Variants in DNMBP observed in about 807,000 individuals in gnomAD.
The protein encoded by DNMBP is dynamin-binding protein.
Under a neutral mutation model 150.0 loss-of-function variants are expected in DNMBP, and 87 were observed. The ratio of observed to expected loss-of-function variants is 0.58; its 90% CI spans 0.49 to 0.69. The LOEUF is 0.69. Among genes scored for constraint, DNMBP ranks in the 30% least tolerant of loss-of-function variants. DNMBP has a pLI of 0.00. For missense variants in DNMBP, 1,774 were observed against 1,949.0 expected, an observed-to-expected ratio of 0.91 and a Z score of 1.69; for synonymous variants, 711 against 750.4, an observed-to-expected ratio of 0.95 and a Z score of 0.86.
chr10:100,001,794 T>A (rs2041016592), intron 1 of DNMBP, among the ~76,000 whole-genome samples: 1 of 152,182 alleles, frequency 6.6e-6, no homozygotes, highest in African/African-American at 2.4e-5. Context: ...AAAGCAAGTG[T>A]GGTCTAGATA....
At chr10:99,957,346 T>C (rs2040512304) in intron 3 of DNMBP, 141 bp from the exon 4 acceptor site, 1 of 756,522 alleles carries the variant, frequency 1.3e-6, no homozygotes, top group Non-Finnish European at 2.1e-6. Flanking sequence ...TGAACAATTT[T>C]GACAATTTAT....
chr10:99,944,603 C>A (rs1159933967), intron 4 of DNMBP, among the ~76,000 whole-genome samples: 1 of 152,014 alleles, frequency 6.6e-6, no homozygotes, highest in East Asian at 1.9e-4. Flanking sequence ...ATGTTCATCG[C>A]TATGTACCCA....
intron 4 of DNMBP, chr10:99,913,931 G>A: frequency 7.6e-7 from 1 of 1,315,166 alleles, no homozygotes; most frequent in Non-Finnish European, 9.8e-7. Context: ...TTCTGTGCTG[G>A]CTCCCACACC....
chr10:99,957,277 A>G, intron 3 of DNMBP, 72 bp from the exon 4 acceptor site: 1 of 1,337,438 alleles, frequency 7.5e-7, no homozygotes, highest in Non-Finnish European at 1.0e-6. Flanking sequence ...CTAATAGTGC[A>G]ACCTCTCATT....
rs2039690798 is a variant in DNMBP, at chr10:99,898,401, AC to A, written c.2721-117del. Reference sequence around the variant, plus strand: ...TTTTTTTAACATAATAATAATGTACACCTATGGGCAGGATTTGTTCCTAAAT... The same window carrying A: ...TTTTTTTAACATAATAATAATGTACACTATGGGCAGGATTTGTTCCTAAAT... On this transcript the variant is annotated intron_variant, in intron 8 of 16. Transcript: ENST00000324109. 8.8e-6 allele frequency: 7 copies of A among 791,718 alleles called. No individual in the cohort carries two copies. In the East Asian group the frequency reaches 1.9e-4, roughly 21 times the overall value. The allele number at this position is 791,718 out of a possible 1,614,324, so 49.0% of individuals were successfully genotyped here.
chr10:99,931,173 G>A (rs1195668842), intron 4 of DNMBP, among the ~76,000 whole-genome samples: 10 of 152,154 alleles, frequency 6.6e-5, no homozygotes, highest in Admixed American at 6.5e-4. Flanking sequence ...TCCAGGTCAG[G>A]TCATATATCA....
intron 4 of DNMBP, among the ~76,000 whole-genome samples, chr10:99,954,930 G>A (rs1159895176): frequency 6.6e-6 from 1 of 151,602 alleles, no homozygotes; most frequent in Non-Finnish European, 1.5e-5. Flanking sequence ...GCGCATGTCT[G>A]CAATCCCAGC....
At chr10:99,932,590 C>T (rs377095625) in intron 4 of DNMBP, among the ~76,000 whole-genome samples, 2,499 of 150,096 alleles carry the variant, frequency 0.017, 38 homozygotes, top group African/African-American at 0.037. Flanking sequence ...AAAAGGAGTC[C>T]GTGAGGAACC....
chr10:99,876,636 G>C lies in DNMBP; in HGVS notation c.*515C>G, dbSNP rs1416652896. 6.6e-6 allele frequency: 1 copy of C among 152,536 alleles called. No individual in the cohort carries two copies. Among genetic ancestry groups the C allele is most frequent in the Non-Finnish European group, 1.5e-5 (1 of 68,322 alleles). 9.4% of individuals were successfully genotyped at this position (152,536 alleles called of 1,614,324 possible). On this transcript the variant is annotated 3_prime_UTR_variant, in exon 17 of 17. Transcript: ENST00000324109. ...GCTGGACACTGGAGGTGTCCCAGGA[G>C]CTTTGAAGCACTAGGTTTGGTTCAA...
chr10:99,915,140 C>CAT (rs537936826), intron 4 of DNMBP, among the ~76,000 whole-genome samples: 7,412 of 136,854 alleles, frequency 0.054, 263 homozygotes, highest in Middle Eastern at 0.16. Context: ...CACACACACA[C>CAT]ATATATATAC....
At chr10:99,897,289 G>A (rs929588123) in intron 9 of DNMBP, among the ~76,000 whole-genome samples, 3 of 152,196 alleles carry the variant, frequency 2.0e-5, no homozygotes, top group African/African-American at 7.2e-5. Context: ...ACTGTTTTAG[G>A]AGGGGAGGTG....
At chr10:99,911,920 C>G (rs1293967658) in intron 4 of DNMBP, among the ~76,000 whole-genome samples, 1 of 152,120 alleles carries the variant, frequency 6.6e-6, no homozygotes, top group African/African-American at 2.4e-5. Flanking sequence ...CAAATATGGT[C>G]TCATTAGTGC....
chr10:99,977,841 T>C (rs563856719), intron 1 of DNMBP, among the ~76,000 whole-genome samples: 7 of 152,144 alleles, frequency 4.6e-5, no homozygotes, highest in Non-Finnish European at 8.8e-5. Context: ...AATCTCAAGT[T>C]TTACTTACCT....
At chr10:99,961,274 T>C (rs1165703441) in intron 3 of DNMBP, among the ~76,000 whole-genome samples, 25 of 131,992 alleles carry the variant, frequency 1.9e-4, no homozygotes, top group East Asian at 4.2e-4. Flanking sequence ...TTTCTTTTTT[T>C]TTTTTTTTTT....
intron 1 of DNMBP, among the ~76,000 whole-genome samples, chr10:100,000,862 A>G (rs1239035300): frequency 1.9e-4 from 21 of 110,994 alleles, no homozygotes; most frequent in African/African-American, 1.1e-3. Flanking sequence ...GTTATGGCAA[A>G]AAAAAAAAAA....
At chr10:99,923,396 AATAAT>A (rs2040044640) in intron 4 of DNMBP, among the ~76,000 whole-genome samples, 1 of 151,588 alleles carries the variant, frequency 6.6e-6, no homozygotes, top group Admixed American at 6.6e-5. Flanking sequence ...CAAAAAAAAT[AATAAT>A]AAAATTCTGA....
rs9420778 is a variant in DNMBP, at chr10:99,892,621, G to A, written c.3156+2325C>T. On this transcript the variant is annotated intron_variant, in intron 11 of 16. Transcript: ENST00000324109. ...AAGTAATCAGGGACACAAACACTGC[G>A]GAAGGCCGCAGGGTCCTCTGCCTAG... Among the ~76,000 whole-genome samples the A allele has an allele frequency of 3.1e-3, 423 of 135,394 alleles. 6 individuals are homozygous for A. Among genetic ancestry groups the A allele is most frequent in the African/African-American group, 0.011 (401 of 35,340 alleles). 88.8% of individuals were successfully genotyped at this position (135,394 alleles called of 152,430 possible).
At position 99,955,657 on chromosome 10, in the gene DNMBP, T is replaced by A; in HGVS notation, c.1817A>T (p.Lys606Met). Reference sequence around the variant, plus strand: ...ACGAGGTGGCGGTGGCCTTAGGGCCTTTCTCCTTTCCGGCAGCTCCTGCTC... The same window carrying A: ...ACGAGGTGGCGGTGGCCTTAGGGCCATTCTCCTTTCCGGCAGCTCCTGCTC... ...ITEQELPERRKALRPPPPRPC... is the reference protein window; with the variant it reads ...ITEQELPERRMALRPPPPRPC... The change falls in exon 4 of 17, where the codon AAG becomes ATG. Residue 606 changes from lysine to methionine, a missense_variant. Lys to Met is a moderately conservative substitution (Grantham distance 95, BLOSUM62 -1). Coordinates refer to ENST00000324109, the MANE Select transcript of DNMBP (RefSeq NM_015221.4). The A allele has an allele frequency of 6.2e-7, 1 of 1,614,202 alleles. No individual in the cohort carries two copies. The highest frequency in any genetic ancestry group is 8.5e-7 in the Non-Finnish European group (1 of 1,180,046).
At chr10:99,922,683 A>G (rs1359820234) in intron 4 of DNMBP, among the ~76,000 whole-genome samples, 1 of 151,784 alleles carries the variant, frequency 6.6e-6, no homozygotes, top group Non-Finnish European at 1.5e-5. Flanking sequence ...ATACCCTGCT[A>G]ATTTTGTTTG....
Sources: allele counts gnomAD v4.1 joint callset (sites outside exome capture counted in the v4.1 genomes callset), GRCh38; gene constraint gnomAD v4.1.1; transcripts MANE v1.5; gene names NCBI Gene and HGNC (gene_info 2026-07-23, HGNC 2026-07-21).